Variants in ADGRV1 observed in about 807,000 individuals in gnomAD.
ADGRV1 encodes the protein G-protein coupled receptor 98.
ADGRV1 carries 359 observed loss-of-function variants against 596.2 expected under a neutral mutation model. That is an observed-to-expected ratio of 0.60 (90% CI 0.55 to 0.66). The LOEUF (loss-of-function observed/expected upper bound fraction) is 0.66. Ranked by LOEUF, ADGRV1 falls within the 30% of genes least tolerant of loss-of-function variation. The pLI is 0.00. For synonymous variants in ADGRV1, 2,681 were observed against 2,679.2 expected (o/e 1.00, Z -0.02); for missense variants, 7,274 against 7,575.6 (o/e 0.96, Z 1.48).
At chr5:90,844,596 C>A (rs1005468085) in intron 78 of ADGRV1, among the ~76,000 whole-genome samples, 4 of 152,132 alleles carry the variant, frequency 2.6e-5, no homozygotes, top group Non-Finnish European at 4.4e-5. Context: ...CAGTCTAAAA[C>A]CCCCCTGAAT....
intron 78 of ADGRV1, chr5:90,846,547 T>G (rs1331701339): frequency 1.3e-5 from 2 of 158,594 alleles, no homozygotes; most frequent in African/African-American, 4.8e-5. Context: ...AGGCGGCGTG[T>G]CTGGAGTTTG....
At chr5:90,855,461 G>T (rs1478397507) in intron 81 of ADGRV1, among the ~76,000 whole-genome samples, 1 of 152,134 alleles carries the variant, frequency 6.6e-6, no homozygotes, top group Non-Finnish European at 1.5e-5. Context: ...GATTAGGTAG[G>T]AATTTGTACT....
At chr5:90,590,311 C>G (rs1230943341) in intron 1 of ADGRV1, among the ~76,000 whole-genome samples, 1 of 152,176 alleles carries the variant, frequency 6.6e-6, no homozygotes, top group Non-Finnish European at 1.5e-5. Flanking sequence ...ATAGTTGCAG[C>G]TCGATAACGG....
intron 1 of ADGRV1, among the ~76,000 whole-genome samples, chr5:90,572,574 A>G (rs1388768693): frequency 6.6e-6 from 1 of 152,170 alleles, no homozygotes; most frequent in Admixed American, 6.5e-5. Context: ...AAAACAAGCA[A>G]TGGGGAAAAG....
At chr5:90,676,274 C>G in intron 25 of ADGRV1, 65 bp downstream of exon 25, 1 of 1,459,678 alleles carries the variant, frequency 6.9e-7, no homozygotes, top group Non-Finnish European at 9.3e-7. Context: ...AAAGTAGATT[C>G]CTTTAGGGAA....
intron 84 of ADGRV1, among the ~76,000 whole-genome samples, chr5:90,981,957 A>G (rs2151033891): frequency 8.4e-6 from 1 of 119,746 alleles, no homozygotes; most frequent in South Asian, 2.8e-4. Context: ...TTGATTCACC[A>G]AAACCTGGAT....
At chr5:91,151,434 T>A (rs1177202516) in intron 88 of ADGRV1, among the ~76,000 whole-genome samples, 1 of 152,164 alleles carries the variant, frequency 6.6e-6, no homozygotes, top group East Asian at 1.9e-4. Flanking sequence ...ATAAAATGAA[T>A]AAGTTCAAGT....
chr5:91,054,559 G>A (rs377658044), intron 85 of ADGRV1, among the ~76,000 whole-genome samples: 3 of 152,222 alleles, frequency 2.0e-5, no homozygotes, highest in East Asian at 3.9e-4. Context: ...GGTTCTGGAG[G>A]CTGGGAAGTT....
chr5:90,757,746 T>G (rs1180887696), intron 57 of ADGRV1, among the ~76,000 whole-genome samples: 2 of 152,230 alleles, frequency 1.3e-5, no homozygotes, highest in African/African-American at 2.4e-5. Flanking sequence ...TTTGTAAACT[T>G]GGCATTTTGT....
intron 86 of ADGRV1, among the ~76,000 whole-genome samples, chr5:91,088,665 T>C (rs1249051645): frequency 1.3e-5 from 2 of 152,124 alleles, no homozygotes; most frequent in Non-Finnish European, 2.9e-5. Flanking sequence ...AGCATGTAGT[T>C]ATGAGCCTGG....
chr5:90,653,502 A>G lies in ADGRV1; in HGVS notation c.3928A>G (p.Thr1310Ala). 1.2e-6 allele frequency: 2 copies of G among 1,613,832 alleles called. No individual in the cohort carries two copies. The highest frequency in any genetic ancestry group is 1.7e-6 in the Non-Finnish European group (2 of 1,179,858). ...IDFLLVGIFPTTVHLQQHMRR... is the reference protein window; with the variant it reads ...IDFLLVGIFPATVHLQQHMRR... The stretch of plus-strand genomic sequence containing the variant: ...TTTTTTACTGGTTGGAATTTTCCCC[A>G]CCACCGTGCATTTACAACAGCACAT... Residue 1310 changes from threonine (T) to alanine (A), a missense_variant, in exon 20 of 90, where the codon ACC (threonine) becomes GCC (alanine). Around this residue, in one of 5 missense-constraint regions of ADGRV1, gnomAD observed 1,715 missense variants for 1,708.8 expected, o/e 1.00. Transcript: ENST00000405460.
chr5:90,601,228 A>G (rs1312404753), intron 1 of ADGRV1, among the ~76,000 whole-genome samples: 6 of 151,052 alleles, frequency 4.0e-5, no homozygotes, highest in Admixed American at 2.0e-4. Flanking sequence ...CAAGAGTGAA[A>G]CTCCATCTCA....
chr5:91,040,882 A>T (rs536209743), intron 85 of ADGRV1, among the ~76,000 whole-genome samples: 2 of 152,336 alleles, frequency 1.3e-5, no homozygotes, highest in South Asian at 4.1e-4. Flanking sequence ...CATCCAGGTC[A>T]TCATGGAATT....
At chr5:90,651,226 A>G (rs1229612792) in intron 17 of ADGRV1, among the ~76,000 whole-genome samples, 1 of 152,196 alleles carries the variant, frequency 6.6e-6, no homozygotes, top group Non-Finnish European at 1.5e-5. Flanking sequence ...GAATCCACCT[A>G]AGAAATTTGA....
chr5:90,667,430 C>G (rs10942602), intron 21 of ADGRV1, among the ~76,000 whole-genome samples: 1 of 145,294 alleles, frequency 6.9e-6, no homozygotes, highest in African/African-American at 2.6e-5. Flanking sequence ...GCATTCTTCA[C>G]GTAGTTCTCG....
intron 83 of ADGRV1, among the ~76,000 whole-genome samples, chr5:90,935,932 G>A (rs1775647910): frequency 6.6e-6 from 1 of 152,224 alleles, no homozygotes; most frequent in African/African-American, 2.4e-5. Flanking sequence ...GTGTTGTGAT[G>A]GTGCTTGTGA....
In ADGRV1 at chr5:90,644,856, C is replaced by G. The variant is rs759360751; in HGVS notation, c.2885C>G (p.Ser962Cys). 6 of 1,601,178 alleles carry G rather than the reference C, an allele frequency of 3.7e-6. No homozygotes were observed. The Admixed American group carries it at 5.1e-5, about 14-fold the overall frequency. Reference sequence around the variant, plus strand: ...TTTTCAAAAAATATCACCATTTACTCCCTTCCAGATGAGGTAAATATTGCA... The same window carrying G: ...TTTTCAAAAAATATCACCATTTACTGCCTTCCAGATGAGGTAAATATTGCA... The part of the protein sequence containing the change: ...QEFSKNITIY[S>C]LPDEIPEEME... The change falls in exon 15 of 90, where the codon TCC becomes TGC. Residue 962 changes from serine to cysteine, a missense_variant. By Grantham distance (112) the Ser-to-Cys change is moderately radical (BLOSUM62 -1). Coordinates refer to ENST00000405460, the MANE Select transcript of ADGRV1 (RefSeq NM_032119.4).
intron 87 of ADGRV1, among the ~76,000 whole-genome samples, chr5:91,124,025 G>A (rs1793544378): frequency 6.6e-6 from 1 of 152,190 alleles, no homozygotes; most frequent in South Asian, 2.1e-4. Flanking sequence ...TGGCCAAGGA[G>A]AAGGCCTTGA....
intron 11 of ADGRV1, among the ~76,000 whole-genome samples, chr5:90,642,288 A>AT (rs1182876799): frequency 6.6e-6 from 1 of 152,120 alleles, no homozygotes; most frequent in Non-Finnish European, 1.5e-5. Context: ...TACAAATTAA[A>AT]TTTTTCTAAA....
Sources: allele counts gnomAD v4.1 joint callset (sites outside exome capture counted in the v4.1 genomes callset), GRCh38; gene constraint gnomAD v4.1.1; regional missense constraint gnomAD v4.1.1; transcripts MANE v1.5; gene names NCBI Gene and HGNC (gene_info 2026-07-23, HGNC 2026-07-21).